CFI: variants seen among roughly 807,000 people sequenced by gnomAD.
CFI encodes complement factor I.
Under a neutral mutation model 78.8 loss-of-function variants are expected in CFI, and 66 were observed. The ratio of observed to expected loss-of-function variants is 0.84; its 90% confidence interval spans 0.69 to 1.03. CFI has a LOEUF of 1.03. Among genes scored for constraint, CFI ranks in the 50% least tolerant of loss-of-function variants. CFI has a pLI of 0.00. For synonymous variants in CFI, 250 were observed against 232.6 expected (o/e 1.07, Z -0.68); for missense variants, 706 against 704.5 (o/e 1.00, Z -0.02).
At chr4:109,756,866 C>A (rs139572904) in intron 7 of CFI, among the ~76,000 whole-genome samples, 1 of 126,320 alleles carries the variant, frequency 7.9e-6, no homozygotes, top group South Asian at 2.5e-4. Context: ...ACCGAGACTC[C>A]GTCTCGAAAG....
intron 1 of CFI, among the ~76,000 whole-genome samples, chr4:109,775,283 T>C (rs1340432528): frequency 3.9e-5 from 6 of 152,124 alleles, no homozygotes; most frequent in East Asian, 3.9e-4. Context: ...ACCTGGAAAA[T>C]TGGGACACTC....
At chr4:109,769,364 C>T (rs1286727407) in intron 1 of CFI, among the ~76,000 whole-genome samples, 3 of 152,150 alleles carry the variant, frequency 2.0e-5, no homozygotes, top group South Asian at 2.1e-4. Context: ...AAGCTCTGAC[C>T]TTCATGTCAG....
At chr4:109,763,905 C>G (rs1229849074) in intron 3 of CFI, among the ~76,000 whole-genome samples, 1 of 149,810 alleles carries the variant, frequency 6.7e-6, no homozygotes, top group Non-Finnish European at 1.5e-5. Flanking sequence ...ACATATGGGG[C>G]AAAGAAGAAA....
chr4:109,789,852 TC>T (rs1323677207), intron 1 of CFI, among the ~76,000 whole-genome samples: 1 of 152,134 alleles, frequency 6.6e-6, no homozygotes, highest in Non-Finnish European at 1.5e-5. Context: ...AAGTGTTCCC[TC>T]CTCTTTACCT....
intron 1 of CFI, among the ~76,000 whole-genome samples, chr4:109,792,064 A>G (rs1422720305): frequency 6.6e-6 from 1 of 152,180 alleles, no homozygotes; most frequent in Non-Finnish European, 1.5e-5. Context: ...AAAATTTATT[A>G]AGACTCATTT....
At chr4:109,748,403 A>G (rs1724738130) in intron 10 of CFI, among the ~76,000 whole-genome samples, 1 of 152,160 alleles carries the variant, frequency 6.6e-6, no homozygotes, top group Non-Finnish European at 1.5e-5. Context: ...CAGTAAATGG[A>G]TCATCACACT....
chr4:109,771,567 A>G (rs1426253402), intron 1 of CFI, among the ~76,000 whole-genome samples: 1 of 148,944 alleles, frequency 6.7e-6, no homozygotes, highest in Admixed American at 6.7e-5. Context: ...AAAAAAAATT[A>G]GCCGGGCGTA....
Position 109,759,936 on chromosome 4 carries a change from T to TACAA in CFI, c.883+330_883+333dup, listed in dbSNP as rs56874026. On this transcript the variant is annotated intron_variant, in intron 6 of 12. Transcript: ENST00000394634. The stretch of plus-strand genomic sequence containing the variant: ...ATAAAATAAAATACTCCAACAAACA[T>TACAA]ACAAACAAACAAACTGGAAGAGAGA... Among the ~76,000 whole-genome samples the TACAA allele has an allele frequency of 0.97, 147,359 of 151,966 alleles. 71,610 individuals carry two copies. Among genetic ancestry groups the TACAA allele is most frequent in the South Asian group, 1 (4,808 of 4,810 alleles).
downstream of CFI, among the ~76,000 whole-genome samples, chr4:109,738,701 T>C (rs1410259840): frequency 6.6e-6 from 1 of 152,130 alleles, no homozygotes; most frequent in Non-Finnish European, 1.5e-5. Context: ...GGCCCTGCCA[T>C]GTTAAGAGCC....
chr4:109,758,051 A>G, intron 6 of CFI: 1 of 942,164 alleles, frequency 1.1e-6, no homozygotes, highest in Non-Finnish European at 1.5e-6. Flanking sequence ...GACTAGTACA[A>G]CTTAATAGTT....
chr4:109,783,716 C>G (rs1339180066), intron 1 of CFI, among the ~76,000 whole-genome samples: 2 of 151,184 alleles, frequency 1.3e-5, no homozygotes, highest in Non-Finnish European at 2.9e-5. Flanking sequence ...TGAAAAGATA[C>G]TTGCACATGC....
intron 1 of CFI, among the ~76,000 whole-genome samples, chr4:109,777,430 A>G (rs1425745707): frequency 6.6e-6 from 1 of 152,238 alleles, no homozygotes; most frequent in Non-Finnish European, 1.5e-5. Context: ...AAGAAGAGCT[A>G]ACTATCCTGA....
At chr4:109,736,141 A>G (rs1281993813), downstream of CFI, among the ~76,000 whole-genome samples, 1 of 152,244 alleles carries the variant, frequency 6.6e-6, no homozygotes, top group Non-Finnish European at 1.5e-5. Flanking sequence ...ACAGAAATCT[A>G]TAAACTCATA....
At chr4:109,749,400 A>G (rs573722688) in intron 9 of CFI, 79 bp from the exon 10 acceptor site, 39 of 1,490,508 alleles carry the variant, frequency 2.6e-5, no homozygotes, top group Non-Finnish European at 3.2e-5. Context: ...CCATGGCAAG[A>G]CTCCCAGTCT....
Position 109,793,415 on chromosome 4 carries a change from T to C in CFI, c.57+8500A>G, listed in dbSNP as rs1241265216. ...TATAATACTGGCTTTTATATTTACC[T>C]ATGTAGTTACCTTTACTGGAGTTCT... On this transcript the variant is annotated intron_variant, in intron 1 of 12. Transcript: ENST00000394634. 2.6e-5 allele frequency: 4 copies of C among 152,400 alleles called. No individual in the cohort carries two copies. In the East Asian group the frequency reaches 7.7e-4, roughly 29 times the overall value. 9.4% of individuals were successfully genotyped at this position (152,400 alleles called of 1,614,324 possible).
At chr4:109,780,284 T>A (rs1729833136) in intron 1 of CFI, among the ~76,000 whole-genome samples, 1 of 151,510 alleles carries the variant, frequency 6.6e-6, no homozygotes, top group Admixed American at 6.6e-5. Flanking sequence ...TACAAAGAAC[T>A]CAAACAAATT....
At chr4:109,761,460 G>A in intron 4 of CFI, 57 bp downstream of exon 4, 4 of 1,481,106 alleles carry the variant, frequency 2.7e-6, no homozygotes, top group Non-Finnish European at 3.8e-6. Context: ...CTATAGGCTT[G>A]GTGTAAAATA....
chr4:109,758,077 ATGC>A (rs1561299326), intron 6 of CFI: 1 of 684,450 alleles, frequency 1.5e-6, no homozygotes, highest in Non-Finnish European at 2.2e-6. Flanking sequence ...CATTACTAAA[ATGC>A]AAAGGCAGAG....
intron 8 of CFI, among the ~76,000 whole-genome samples, chr4:109,751,438 CTTTTTTTTTTTT>C (rs66497003): frequency 5.0e-5 from 5 of 100,356 alleles, no homozygotes; most frequent in Admixed American, 2.8e-4. Flanking sequence ...AGAGCTAAAT[CTTTTTTTTTTTT>C]TTTTTTTTTG....
Sources: gnomAD v4.1 joint callset for allele counts (sites outside exome capture counted in the v4.1 genomes callset) on GRCh38, gnomAD v4.1.1 for gene constraint, MANE v1.5 for transcripts, NCBI Gene and HGNC (gene_info 2026-07-23, HGNC 2026-07-21) for gene names.